RBFOX2: variants seen among roughly 807,000 people sequenced by gnomAD.
RBFOX2 encodes the protein RNA binding fox-1 homolog 2.
RBFOX2 carries 10 observed loss-of-function variants against 49.1 expected under a neutral mutation model. That is an observed-to-expected ratio of 0.20 (90% CI 0.13 to 0.35). The LOEUF is 0.35. RBFOX2 is among the 10% of genes least tolerant of loss of function. RBFOX2 has a pLI of 1.00. For missense variants in RBFOX2, 323 were observed against 486.9 expected, an observed-to-expected ratio of 0.66 and a Z score of 3.17; for synonymous variants, 183 against 187.4, an observed-to-expected ratio of 0.98 and a Z score of 0.19.
chr22:35,963,279 T>A (rs146582118), upstream of RBFOX2, among the ~76,000 whole-genome samples: 1 of 152,186 alleles, frequency 6.6e-6, no homozygotes, highest in South Asian at 2.1e-4. Context: ...GAAACCCACA[T>A]TGCAGTGCGG....
intron 4 of RBFOX2, among the ~76,000 whole-genome samples, chr22:35,770,018 TGTAA>T (rs1942218702): frequency 6.6e-6 from 1 of 152,200 alleles, no homozygotes; most frequent in African/African-American, 2.4e-5. Context: ...CTAAAGAATG[TGTAA>T]GTTTGTTGAA....
intron 4 of RBFOX2, 86 bp downstream of exon 5, chr22:35,777,939 G>T: frequency 7.5e-7 from 1 of 1,327,538 alleles, no homozygotes; most frequent in Non-Finnish European, 1.1e-6. Context: ...CTTGAAAACA[G>T]CTTATGTTTT....
chr22:35,898,285 G>A (rs1231004977), intron 1 of RBFOX2: 4 of 749,138 alleles, frequency 5.3e-6, no homozygotes, highest in Non-Finnish European at 1.0e-5. Flanking sequence ...CATGAGGTAT[G>A]AGGGCATGAT....
intron 2 of RBFOX2, among the ~76,000 whole-genome samples, chr22:35,791,813 T>A (rs1025012849): frequency 3.9e-5 from 6 of 152,132 alleles, no homozygotes; most frequent in South Asian, 4.1e-4. Flanking sequence ...GGGGTGGTGA[T>A]CTTCAGATAA....
At position 36,016,626 on chromosome 22, in the gene RBFOX2, C is replaced by T. The variant is rs139671966; in HGVS notation, c.186+11614G>A. Among the ~76,000 whole-genome samples the T allele has an allele frequency of 9.5e-4, 145 of 152,290 alleles. 1 individual carries two copies. Among genetic ancestry groups the T allele is most frequent in the South Asian group, 3.7e-3 (18 of 4,824 alleles). Reference sequence around the variant, plus strand: ...AAAAATCCCACACACCAAGGTGTTACCTGGGGACCTAAGTCCCTAAGAAAA... The same window carrying T: ...AAAAATCCCACACACCAAGGTGTTATCTGGGGACCTAAGTCCCTAAGAAAA... On this transcript the variant is annotated intron_variant, in intron 1 of 13. Coordinates refer to the RBFOX2 transcript ENST00000438146.
At chr22:35,909,240 T>C (rs997777397) in intron 1 of RBFOX2, among the ~76,000 whole-genome samples, 2 of 152,144 alleles carry the variant, frequency 1.3e-5, no homozygotes, top group African/African-American at 4.8e-5. Flanking sequence ...AGAGGATCGC[T>C]TGGGGCCAGG....
intron 4 of RBFOX2, among the ~76,000 whole-genome samples, chr22:35,771,468 G>T (rs1339392458): frequency 2.0e-5 from 3 of 152,130 alleles, no homozygotes; most frequent in Non-Finnish European, 4.4e-5. Flanking sequence ...TTTTAGCCTT[G>T]TGAGAGCCAT....
chr22:35,926,246 T>C (rs868230313), intron 1 of RBFOX2, among the ~76,000 whole-genome samples: 8 of 152,304 alleles, frequency 5.3e-5, no homozygotes, highest in South Asian at 2.1e-4. Flanking sequence ...TAAAAGACCA[T>C]CGATTGCTTG....
chr22:35,788,081 A>ATGAGGACTACAAATGTTTTCTTTTTT (rs1406407762), intron 2 of RBFOX2, among the ~76,000 whole-genome samples: 8 of 152,238 alleles, frequency 5.3e-5, no homozygotes, highest in African/African-American at 1.7e-4. Flanking sequence ...CATCCTAGAA[A>ATGAGGACTACAAATGTTTTCTTTTTT]TGAGGACTAC....
At chr22:35,755,464 G>T (rs1243075059) in intron 9 of RBFOX2, among the ~76,000 whole-genome samples, 3 of 152,106 alleles carry the variant, frequency 2.0e-5, no homozygotes, top group African/African-American at 7.2e-5. Context: ...GAAGAGTCTG[G>T]GTTGCTGATT....
intron 3 of RBFOX2, 57 bp from the exon 5 acceptor site, chr22:35,778,135 TG>T (rs1333997992): frequency 7.3e-7 from 1 of 1,360,610 alleles, no homozygotes; most frequent in Non-Finnish European, 1.0e-6. Context: ...CCACATATTT[TG>T]TTATCTTCTG....
Position 35,972,913 on chromosome 22 carries a change from AGCACCAAGACCT to A in RBFOX2, c.187-34028_187-34017del, listed in dbSNP as rs143830694. The stretch of plus-strand genomic sequence containing the variant: ...CCCAGCAAACTCACCAAAGAAGTAC[AGCACCAAGACCT>A]GCAGAATTAAATTCACTACTAAGCT... On this transcript the variant is annotated intron_variant, in intron 1 of 13. Transcript: ENST00000438146. Among the ~76,000 whole-genome samples, 205 of 152,384 alleles carry A rather than the reference AGCACCAAGACCT, an allele frequency of 1.3e-3. No individual in the cohort carries two copies. The East Asian group carries it at 0.03, about 22-fold the overall frequency.
intron 1 of RBFOX2, among the ~76,000 whole-genome samples, chr22:35,850,825 G>T (rs1318245330): frequency 1.3e-5 from 2 of 152,160 alleles, no homozygotes; most frequent in Non-Finnish European, 1.5e-5. Context: ...GACACAGAGT[G>T]AGCAGAAAGT....
intron 1 of RBFOX2, among the ~76,000 whole-genome samples, chr22:36,023,640 A>T (rs978824335): frequency 6.6e-6 from 1 of 152,210 alleles, no homozygotes; most frequent in East Asian, 1.9e-4. Context: ...TATTTAACTC[A>T]TTTAACTTCC....
At chr22:35,940,729 C>T (rs760788729), upstream of RBFOX2, among the ~76,000 whole-genome samples, 6 of 152,066 alleles carry the variant, frequency 3.9e-5, no homozygotes, top group Non-Finnish European at 8.8e-5. Context: ...AAGTATGGTA[C>T]ATCCATAGTG....
At chr22:35,919,405 C>A (rs1191056121) in intron 1 of RBFOX2, among the ~76,000 whole-genome samples, 2 of 151,998 alleles carry the variant, frequency 1.3e-5, no homozygotes, top group Non-Finnish European at 2.9e-5. Context: ...AGGTGGCATG[C>A]GCCTGTAGTC....
chr22:35,878,039 TACACACACACACACACACAC>T (rs58181557), intron 1 of RBFOX2, among the ~76,000 whole-genome samples: 50 of 141,178 alleles, frequency 3.5e-4, no homozygotes, highest in Non-Finnish European at 9.2e-5. Flanking sequence ...CTACTACTAC[TACACACACACACACACACAC>T]ACACACACAC....
intron 11 of RBFOX2, among the ~76,000 whole-genome samples, chr22:35,745,502 C>T (rs567642642): frequency 2.3e-4 from 35 of 152,290 alleles, no homozygotes; most frequent in African/African-American, 8.2e-4. Flanking sequence ...CAGAGACATC[C>T]TTTAGATTTG....
intron 9 of RBFOX2, chr22:35,750,481 A>G: frequency 6.3e-7 from 1 of 1,589,788 alleles, no homozygotes; most frequent in South Asian, 1.1e-5. Flanking sequence ...GAAATAAAAC[A>G]AAAAATGGGG....
Sources: gnomAD v4.1 joint callset for allele counts (sites outside exome capture counted in the v4.1 genomes callset) on GRCh38, gnomAD v4.1.1 for gene constraint, MANE v1.5 for transcripts, NCBI Gene and HGNC (gene_info 2026-07-23, HGNC 2026-07-21) for gene names.